PTPRG: variants seen among roughly 807,000 people sequenced by gnomAD.
PTPRG encodes the protein receptor-type tyrosine-protein phosphatase gamma.
In PTPRG, 102 loss-of-function variants were observed where a neutral mutation model predicts 165.3. The observed-to-expected ratio is 0.62, with a 90% CI of 0.53 to 0.73. The LOEUF (loss-of-function observed/expected upper bound fraction) is 0.73, where lower values mean the gene tolerates loss of function less well. PTPRG is among the 30% of genes least tolerant of loss of function. PTPRG has a pLI of 0.00. For synonymous variants in PTPRG, 675 were observed against 669.5 expected (o/e 1.01, Z -0.13); for missense variants, 1,866 against 1,861.4 (o/e 1.00, Z -0.05).
At chr3:61,948,011 T>TGCCTTG (rs2039805967) in intron 2 of PTPRG, among the ~76,000 whole-genome samples, 2 of 152,044 alleles carry the variant, frequency 1.3e-5, no homozygotes, top group African/African-American at 4.8e-5. Context: ...GGAAAACACG[T>TGCCTTG]ATCCCATAGG....
intron 2 of PTPRG, among the ~76,000 whole-genome samples, chr3:61,864,957 C>T (rs1026959402): frequency 2.0e-5 from 3 of 152,178 alleles, no homozygotes; most frequent in African/African-American, 7.2e-5. Flanking sequence ...GCCAGCATGC[C>T]ACTGTCATGG....
chr3:62,017,591 A>ATAT (rs1052498442), intron 4 of PTPRG, among the ~76,000 whole-genome samples: 6 of 142,806 alleles, frequency 4.2e-5, no homozygotes, highest in South Asian at 2.2e-4. Flanking sequence ...AATTTTTTGT[A>ATAT]TTTTTTTTTT....
chr3:61,754,230 G>C (rs1161976448), intron 2 of PTPRG, among the ~76,000 whole-genome samples: 1 of 152,150 alleles, frequency 6.6e-6, no homozygotes, highest in African/African-American at 2.4e-5. Context: ...GGCCATCCAT[G>C]GTCCTCTCCA....
At chr3:61,624,430 A>G (rs1163749245) in intron 1 of PTPRG, among the ~76,000 whole-genome samples, 4 of 152,140 alleles carry the variant, frequency 2.6e-5, no homozygotes, top group African/African-American at 9.7e-5. Context: ...GGTGAGAAGA[A>G]GTATGCTCTT....
At chr3:61,855,387 T>G (rs116188625) in intron 2 of PTPRG, among the ~76,000 whole-genome samples, 1 of 152,198 alleles carries the variant, frequency 6.6e-6, no homozygotes, top group African/African-American at 2.4e-5. Context: ...ACTTTCATGG[T>G]GTAGAGAAAG....
At chr3:61,891,615 C>A (rs947003558) in intron 2 of PTPRG, among the ~76,000 whole-genome samples, 1 of 152,218 alleles carries the variant, frequency 6.6e-6, no homozygotes, top group Non-Finnish European at 1.5e-5. Context: ...AATGTTGTTA[C>A]AGATGCTTAC....
chr3:61,602,636 T>G (rs1007959876), intron 1 of PTPRG, among the ~76,000 whole-genome samples: 6 of 152,318 alleles, frequency 3.9e-5, no homozygotes, highest in Admixed American at 1.3e-4. Flanking sequence ...ATTACTATCT[T>G]GACAGTCAGC....
chr3:62,289,712 A>G, intron 28 of PTPRG, among the ~76,000 whole-genome samples: 1 of 140,520 alleles, frequency 7.1e-6, no homozygotes, highest in East Asian at 2.5e-4. Context: ...CCCCCCCCAA[A>G]AAAAACACTT....
At position 61,651,836 on chromosome 3, in the gene PTPRG, C is replaced by T. The variant is rs1001989571; in HGVS notation, c.85+89464C>T. Among the ~76,000 whole-genome samples the T allele has an allele frequency of 2.6e-4, 39 of 152,164 alleles. No homozygotes were observed. The South Asian group carries it at 4.4e-3, about 17-fold the overall frequency. On this transcript the variant is annotated intron_variant, in intron 1 of 29. Transcript: ENST00000474889. The stretch of plus-strand genomic sequence containing the variant: ...ACCAGCCTGGCCAACCTGGCGAAAC[C>T]CCGTCTCTACTAAAAATACAAAACT...
chr3:62,119,784 C>G (rs1308013122), intron 5 of PTPRG, among the ~76,000 whole-genome samples: 2 of 107,124 alleles, frequency 1.9e-5, no homozygotes, highest in African/African-American at 6.8e-5. Flanking sequence ...CCACGCCTGG[C>G]TAATTTTTTT....
intron 5 of PTPRG, among the ~76,000 whole-genome samples, chr3:62,090,805 T>C (rs1282747747): frequency 6.6e-6 from 1 of 152,174 alleles, no homozygotes; most frequent in Non-Finnish European, 1.5e-5. Context: ...CTTCCCCAGA[T>C]GCTAAGAGTC....
At chr3:61,797,374 T>C (rs2035080529) in intron 2 of PTPRG, among the ~76,000 whole-genome samples, 1 of 152,226 alleles carries the variant, frequency 6.6e-6, no homozygotes, top group Non-Finnish European at 1.5e-5. Context: ...CATTGGTGTC[T>C]GACTTCATGA....
At chr3:62,022,158 T>C (rs148482574) in intron 4 of PTPRG, among the ~76,000 whole-genome samples, 1 of 152,320 alleles carries the variant, frequency 6.6e-6, no homozygotes, top group East Asian at 1.9e-4. Context: ...GCGGGTACCA[T>C]TGCTGTCTCA....
At position 62,255,139 on chromosome 3, in the gene PTPRG, T is replaced by G. The variant is rs993503700; in HGVS notation, c.2483T>G (p.Ile828Ser). Residue 828 changes from isoleucine to serine, a missense_variant, in exon 16 of 30, where the codon ATT becomes AGT. Physicochemically the swap from Ile to Ser is moderately radical, Grantham distance 142. Coordinates refer to ENST00000474889, the MANE Select transcript of PTPRG (RefSeq NM_002841.4). This position sits in a 1 kb window ranked among gnomAD's most constrained non-coding sequence, Gnocchi z 4.0. ...IIPIPDDMEA[I>S]PVKQFVKHIG... ...TTCCCCCCAGATGACATGGAAGCCA[T>G]TCCTGTCAAACAGTTTGTCAAACAC... The G allele has an allele frequency of 6.2e-7, 1 of 1,612,766 alleles. No individual in the cohort carries two copies. The highest frequency in any genetic ancestry group is 1.7e-5 in the Admixed American group (1 of 59,816).
At chr3:62,185,665 C>T (rs1410308374) in intron 8 of PTPRG, among the ~76,000 whole-genome samples, 2 of 152,174 alleles carry the variant, frequency 1.3e-5, no homozygotes, top group South Asian at 2.1e-4. Context: ...ACCACTGCCA[C>T]GTGTGGATGC....
intron 1 of PTPRG, among the ~76,000 whole-genome samples, chr3:61,711,458 C>G (rs1221056917): frequency 6.6e-6 from 1 of 152,270 alleles, no homozygotes; most frequent in African/African-American, 2.4e-5. Context: ...TTAATGATCG[C>G]CATTCTAACT....
At chr3:62,062,093 A>G (rs1017024731) in intron 4 of PTPRG, among the ~76,000 whole-genome samples, 2 of 151,736 alleles carry the variant, frequency 1.3e-5, no homozygotes, top group African/African-American at 2.4e-5. Flanking sequence ...TGAGGTTGGG[A>G]GTTCGAGACC....
chr3:61,661,108 C>T (rs779100624), intron 1 of PTPRG, among the ~76,000 whole-genome samples: 32 of 151,888 alleles, frequency 2.1e-4, no homozygotes, highest in African/African-American at 5.1e-4. Flanking sequence ...GAGTCTTGCT[C>T]AGTTGTCCAG....
chr3:61,744,453 A>G (rs1458082339), intron 1 of PTPRG, among the ~76,000 whole-genome samples: 2 of 152,248 alleles, frequency 1.3e-5, no homozygotes, highest in African/African-American at 4.8e-5. Context: ...AACCTGTACA[A>G]TGTGTTACCG....
Sources: gnomAD v4.1 joint callset for allele counts (sites outside exome capture counted in the v4.1 genomes callset) on GRCh38, gnomAD v4.1.1 for gene constraint, Gnocchi (gnomAD v3.1) non-coding constraint, MANE v1.5 for transcripts, NCBI Gene and HGNC (gene_info 2026-07-23, HGNC 2026-07-21) for gene names.